The following USP6NL variants were observed in gnomAD, a reference collection of about 807,000 sequenced individuals.
The protein encoded by USP6NL is USP6 N-terminal-like protein.
In USP6NL, 26 loss-of-function variants were observed where a neutral mutation model predicts 61.9. That is an observed-to-expected ratio of 0.42 (90% confidence interval 0.31 to 0.58). The LOEUF is 0.58. Among genes scored for constraint, USP6NL ranks in the 20% least tolerant of loss-of-function variants. USP6NL has a pLI of 0.16. For missense variants in USP6NL, 1,114 were observed against 1,034.3 expected, an observed-to-expected ratio of 1.08 and a Z score of -1.06; for synonymous variants, 432 against 390.1, an observed-to-expected ratio of 1.11 and a Z score of -1.27.
intron 2 of USP6NL, among the ~76,000 whole-genome samples, chr10:11,543,068 A>C (rs1423056610): frequency 6.6e-6 from 1 of 152,226 alleles, no homozygotes; most frequent in African/African-American, 2.4e-5. Context: ...ATATTTTGAT[A>C]CTACTAACGT....
At chr10:11,479,703 G>A (rs1212470619) in intron 14 of USP6NL, among the ~76,000 whole-genome samples, 2 of 151,740 alleles carry the variant, frequency 1.3e-5, no homozygotes, top group Non-Finnish European at 2.9e-5. Context: ...AACTTCCCGA[G>A]TAACTGGGAC....
rs1335897064 is a variant in USP6NL at position 11,489,874 on chromosome 10, G to A, written c.544-652C>T. ...CTGTAATCAGATGGGGGTACGTACT[G>A]GAACAGAATGCTCACAATGAATCTG... On this transcript the variant is annotated intron_variant, in intron 9 of 14. Transcript: ENST00000609104. The surrounding 1 kb of genome is among the most constrained non-coding windows in gnomAD (Gnocchi z 5.7). 1.3e-5 allele frequency among the ~76,000 whole-genome samples: 2 copies of A among 152,198 alleles called. No individual in the cohort carries two copies. Among genetic ancestry groups the A allele is most frequent in the African/African-American group, 4.8e-5 (2 of 41,434 alleles).
intron 14 of USP6NL, among the ~76,000 whole-genome samples, chr10:11,469,275 A>G (rs1346284058): frequency 1.3e-5 from 2 of 152,152 alleles, no homozygotes; most frequent in Admixed American, 6.5e-5. Flanking sequence ...ATTCCTTCCC[A>G]TAGTATCTAA....
At chr10:11,560,546 G>A (rs920289911) in intron 2 of USP6NL, among the ~76,000 whole-genome samples, 4 of 151,058 alleles carry the variant, frequency 2.6e-5, no homozygotes, top group East Asian at 1.9e-4. Context: ...CCTTAGTACC[G>A]TAATAACTTT....
In USP6NL at chr10:11,481,327, C is replaced by A. The variant is rs1476270293; in HGVS notation, c.1078+443G>T. Among the ~76,000 whole-genome samples the A allele has an allele frequency of 6.6e-6, 1 of 152,186 alleles. No homozygotes were observed. ...AATGCTATTTGTGGTTCTGTGGCTT[C>A]ATATTTAAGCCACTTAGGCACTAAA... On this transcript the variant is annotated intron_variant, in intron 14 of 14. Coordinates refer to ENST00000609104, the MANE Select transcript of USP6NL (RefSeq NM_014688.5). The surrounding 1 kb of genome is among the most constrained non-coding windows in gnomAD (Gnocchi z 4.4).
intron 2 of USP6NL, among the ~76,000 whole-genome samples, chr10:11,556,752 AAAAC>A (rs1836722203): frequency 1.3e-5 from 2 of 152,244 alleles, no homozygotes; most frequent in South Asian, 4.1e-4. Flanking sequence ...ACACAGTTTC[AAAAC>A]ACATAAAGCA....
chr10:11,536,797 C>A (rs1019124837), intron 2 of USP6NL, among the ~76,000 whole-genome samples: 7 of 152,364 alleles, frequency 4.6e-5, no homozygotes, highest in African/African-American at 1.7e-4. Context: ...TTTTCAAAAA[C>A]TGCACAACTT....
chr10:11,526,350 C>A (rs994645314), intron 3 of USP6NL, among the ~76,000 whole-genome samples: 5 of 152,138 alleles, frequency 3.3e-5, no homozygotes, highest in Non-Finnish European at 7.3e-5. Flanking sequence ...ACACTGGGAG[C>A]ATCCTGTAGG....
intron 14 of USP6NL, among the ~76,000 whole-genome samples, chr10:11,467,954 A>T (rs1832544818): frequency 6.6e-6 from 1 of 152,226 alleles, no homozygotes; most frequent in African/African-American, 2.4e-5. Context: ...TTTTTAGCTT[A>T]TCCAAAAAAG....
Position 11,501,192 on chromosome 10 carries a change from T to G in USP6NL, c.293A>C (p.Tyr98Ser). 1 of 1,609,596 alleles carries G rather than the reference T, an allele frequency of 6.2e-7. No homozygotes were observed. The highest frequency in any genetic ancestry group is 8.5e-7 in the Non-Finnish European group (1 of 1,178,728). ...TCTGAGCTGGAGTGGTATTCCTTTG[T>G]AAATTCGCCTATGAAACTTATTAAA... ...KNTEKFHRRI[Y>S]KGIPLQLRGE... Residue 98 changes from tyrosine to serine, a missense_variant, in exon 7 of 15, where the codon TAC becomes TCC. Transcript: ENST00000609104.
intron 2 of USP6NL, among the ~76,000 whole-genome samples, chr10:11,579,958 A>T (rs1430715016): frequency 1.1e-5 from 1 of 91,554 alleles, no homozygotes; most frequent in Non-Finnish European, 2.3e-5. Context: ...ACCAGTGGAG[A>T]GTGGCGGGGG....
chr10:11,569,530 T>C (rs181185474), intron 2 of USP6NL, among the ~76,000 whole-genome samples: 91 of 152,232 alleles, frequency 6.0e-4, no homozygotes, highest in African/African-American at 2.2e-3. Context: ...AAAGAAACGA[T>C]TCAATCTAAC....
At chr10:11,506,491 T>C (rs544058401) in intron 6 of USP6NL, among the ~76,000 whole-genome samples, 2 of 152,118 alleles carry the variant, frequency 1.3e-5, no homozygotes, top group South Asian at 2.1e-4. Flanking sequence ...AAATAAAATT[T>C]TTTTTTTAAT....
Position 11,561,276 on chromosome 10 carries a change from GAA to G in USP6NL, c.5-33711_5-33710del, listed in dbSNP as rs2133533342. Reference sequence around the variant, plus strand: ...TTCAAGCAATACAGAAATGCATTAAGAAAAGTGAACTCTCTTCCTCTACACCC... The same window carrying G: ...TTCAAGCAATACAGAAATGCATTAAGAAGTGAACTCTCTTCCTCTACACCC... On this transcript the variant is annotated intron_variant, in intron 2 of 14. Coordinates refer to ENST00000609104, the MANE Select transcript of USP6NL (RefSeq NM_014688.5). This position sits in a 1 kb window ranked among gnomAD's most constrained non-coding sequence, Gnocchi z 4.1. Among the ~76,000 whole-genome samples, 1 of 152,178 alleles carries G rather than the reference GAA, an allele frequency of 6.6e-6. No individual in the cohort carries two copies. Among genetic ancestry groups the G allele is most frequent in the South Asian group, 2.1e-4 (1 of 4,810 alleles).
intron 1 of USP6NL, among the ~76,000 whole-genome samples, chr10:11,608,880 G>A (rs748960967): frequency 1.6e-4 from 25 of 152,100 alleles, no homozygotes; most frequent in Non-Finnish European, 3.2e-4. Context: ...AGTCTCTGTC[G>A]CTCCAATTCC....
Position 11,463,508 on chromosome 10 carries a change from T to C in USP6NL, c.1420A>G (p.Asn474Asp). Reference sequence around the variant, plus strand: ...TCCTTCCTGATATTTGAAGTGGCGTTGCTATTTTGGTTGGCAGCTGCGTGA... The same window carrying C: ...TCCTTCCTGATATTTGAAGTGGCGTCGCTATTTTGGTTGGCAGCTGCGTGA... ...YNHAAANQNS[N>D]ATSNIRKEFV... Residue 474 changes from asparagine (N) to aspartate (D), a missense_variant, in exon 15 of 15, where the codon AAC (asparagine) becomes GAC (aspartate). Coordinates refer to ENST00000609104, the MANE Select transcript of USP6NL (RefSeq NM_014688.5). This position sits in a 1 kb window ranked among gnomAD's most constrained non-coding sequence, Gnocchi z 6.3. 1 of 1,614,076 alleles carries C rather than the reference T, an allele frequency of 6.2e-7. No homozygotes were observed. Among genetic ancestry groups the C allele is most frequent in the East Asian group, 2.2e-5 (1 of 44,890 alleles).
At chr10:11,578,252 A>G (rs556284579) in intron 2 of USP6NL, among the ~76,000 whole-genome samples, 18 of 152,326 alleles carry the variant, frequency 1.2e-4, no homozygotes, top group African/African-American at 4.3e-4. Flanking sequence ...TATAAGCATG[A>G]GCCACCACAC....
rs1475185353 is a variant in USP6NL at position 11,463,988 on chromosome 10, ACT to A, written c.1079-141_1079-140del. The A allele has an allele frequency of 3.2e-5, 27 of 838,596 alleles. No homozygotes were observed. The highest frequency in any genetic ancestry group is 4.7e-5 in the Non-Finnish European group (26 of 554,230). The allele number at this position is 838,596 out of a possible 1,614,324, so 51.9% of individuals were successfully genotyped here. A position where few individuals can be genotyped will look rare whatever the true frequency, so the allele number is the denominator to read the frequency against. On this transcript the variant is annotated intron_variant, in intron 14 of 14. Coordinates refer to ENST00000609104, the MANE Select transcript of USP6NL (RefSeq NM_014688.5). The surrounding 1 kb of genome is among the most constrained non-coding windows in gnomAD (Gnocchi z 6.3). ...CATACAACACACTGTCATACAACACACTGTTTATACCACTTACACACACTGTT... is the reference window on the plus strand; with the variant it reads ...CATACAACACACTGTCATACAACACAGTTTATACCACTTACACACACTGTT...
At position 11,495,070 on chromosome 10, in the gene USP6NL, T is replaced by A. The variant is rs185302118; in HGVS notation, c.385-1842A>T. 6.6e-6 allele frequency among the ~76,000 whole-genome samples: 1 copy of A among 152,300 alleles called. No individual in the cohort carries two copies. The highest frequency in any genetic ancestry group is 1.9e-4 in the East Asian group (1 of 5,166). On this transcript the variant is annotated intron_variant, in intron 7 of 14. Coordinates refer to ENST00000609104, the MANE Select transcript of USP6NL (RefSeq NM_014688.5). This position sits in a 1 kb window ranked among gnomAD's most constrained non-coding sequence, Gnocchi z 4.6. ...CACTTACGCTACTGCTAGACCTCGG[T>A]CCGCCTGGCAACGGGCGTCTTCCCA...
Sources: gnomAD v4.1 joint callset for allele counts (sites outside exome capture counted in the v4.1 genomes callset) on GRCh38, gnomAD v4.1.1 for gene constraint, Gnocchi (gnomAD v3.1) non-coding constraint, MANE v1.5 for transcripts, NCBI Gene and HGNC (gene_info 2026-07-23, HGNC 2026-07-21) for gene names.